The following NPAS3 variants were observed in gnomAD, a reference collection of about 807,000 sequenced individuals.
NPAS3 encodes the protein neuronal PAS domain protein 3, also known as neuronal PAS domain-containing protein 3.
In NPAS3, 14 loss-of-function variants were observed where a neutral mutation model predicts 73.1. That is an observed-to-expected ratio of 0.19 (90% CI 0.13 to 0.30). NPAS3 has a LOEUF of 0.30. NPAS3 is among the 10% of genes least tolerant of loss of function. The pLI is 1.00. For synonymous variants in NPAS3, 620 were observed against 541.5 expected, an observed-to-expected ratio of 1.14 and a Z score of -2.01; for missense variants, 1,096 against 1,250.0, an observed-to-expected ratio of 0.88 and a Z score of 1.86.
At chr14:33,776,454 CCTCATG>C (rs2062817947) in intron 8 of NPAS3, among the ~76,000 whole-genome samples, 1 of 136,896 alleles carries the variant, frequency 7.3e-6, no homozygotes, top group Non-Finnish European at 1.5e-5. Context: ...GACCCGAGTG[CCTCATG>C]GTGCCACTCT....
chr14:33,055,921 C>T (rs1271589822), exon 2 of NPAS3: 1 of 810,248 alleles, frequency 1.2e-6, no homozygotes, highest in African/African-American at 1.7e-5. Context: ...TGCCCAGCAT[C>T]CTCTGCCCAA....
At chr14:33,355,501 T>C (rs2045297688) in intron 3 of NPAS3, among the ~76,000 whole-genome samples, 1 of 152,328 alleles carries the variant, frequency 6.6e-6, no homozygotes, top group East Asian at 1.9e-4. Context: ...GGTTTCACCA[T>C]GTTGGCCAGG....
chr14:33,070,558 A>G (rs2041450433), intron 2 of NPAS3, among the ~76,000 whole-genome samples: 1 of 152,168 alleles, frequency 6.6e-6, no homozygotes, highest in Non-Finnish European at 1.5e-5. Flanking sequence ...ACAGGTAAAT[A>G]TTGAACAGGG....
At chr14:33,087,207 G>T (rs1039385807) in intron 2 of NPAS3, among the ~76,000 whole-genome samples, 9 of 108,558 alleles carry the variant, frequency 8.3e-5, no homozygotes, top group East Asian at 7.5e-4. Context: ...TAATAATATA[G>T]TATTATTATT....
chr14:33,473,082 C>T (rs910745922), intron 4 of NPAS3, among the ~76,000 whole-genome samples: 6 of 152,050 alleles, frequency 3.9e-5, no homozygotes, highest in Non-Finnish European at 5.9e-5. Flanking sequence ...ATAGTGATTT[C>T]GCAGAGTAAA....
At chr14:33,585,760 T>C (rs1188900447) in intron 5 of NPAS3, among the ~76,000 whole-genome samples, 1 of 152,208 alleles carries the variant, frequency 6.6e-6, no homozygotes. Flanking sequence ...AGAATCATGC[T>C]GGTGCCTAAT....
At chr14:33,679,460 G>A (rs1214294615) in intron 6 of NPAS3, among the ~76,000 whole-genome samples, 2 of 152,022 alleles carry the variant, frequency 1.3e-5, no homozygotes, top group Non-Finnish European at 1.5e-5. Flanking sequence ...ATTTTAACAA[G>A]ATTTCCTAAT....
intron 2 of NPAS3, among the ~76,000 whole-genome samples, chr14:33,209,238 G>A (rs1056350706): frequency 2.0e-5 from 3 of 151,908 alleles, no homozygotes; most frequent in East Asian, 3.9e-4. Flanking sequence ...TTATGTTACC[G>A]TTACCTTATA....
chr14:33,263,930 C>G (rs1425322275), intron 3 of NPAS3, among the ~76,000 whole-genome samples: 6 of 151,970 alleles, frequency 3.9e-5, no homozygotes, highest in Non-Finnish European at 7.4e-5. Flanking sequence ...GGGTATATAC[C>G]CAAAGGATTA....
At chr14:33,711,255 A>C (rs993202899) in intron 6 of NPAS3, among the ~76,000 whole-genome samples, 2 of 152,222 alleles carry the variant, frequency 1.3e-5, no homozygotes, top group African/African-American at 2.4e-5. Flanking sequence ...AGGGAAAAAA[A>C]TCTATTTTGA....
At chr14:33,538,568 G>A (rs1479760650) in intron 4 of NPAS3, among the ~76,000 whole-genome samples, 2 of 152,170 alleles carry the variant, frequency 1.3e-5, no homozygotes, top group Non-Finnish European at 2.9e-5. Flanking sequence ...AAAATCTGCT[G>A]TTGCAAAAAG....
intron 2 of NPAS3, among the ~76,000 whole-genome samples, chr14:33,111,668 T>C (rs1192113715): frequency 6.6e-6 from 1 of 152,062 alleles, no homozygotes; most frequent in Non-Finnish European, 1.5e-5. Context: ...TTTTTCTTTT[T>C]TTTTTTATTA....
chr14:33,751,762 A>T (rs2061970125), intron 7 of NPAS3, among the ~76,000 whole-genome samples: 1 of 152,158 alleles, frequency 6.6e-6, no homozygotes. Context: ...GACTATTCAG[A>T]ATTTCTACTA....
upstream of NPAS3, chr14:32,934,983 C>T (rs1316113619): frequency 4.3e-5 from 58 of 1,334,084 alleles, 2 homozygotes; most frequent in South Asian, 2.0e-4. The surrounding 1 kb of genome is among the most constrained non-coding windows in gnomAD (Gnocchi z 4.1). Context: ...ACGTCCAGGG[C>T]ATCACCTCCT....
chr14:33,803,469 AT>A (rs1318596052), downstream of NPAS3: 1 of 152,192 alleles, frequency 6.6e-6, no homozygotes, highest in African/African-American at 2.4e-5. Flanking sequence ...TACTTGAAGG[AT>A]TTAAGTAGGT....
At chr14:33,689,663 C>T (rs2060181173) in intron 6 of NPAS3, among the ~76,000 whole-genome samples, 1 of 152,134 alleles carries the variant, frequency 6.6e-6, no homozygotes, top group African/African-American at 2.4e-5. Flanking sequence ...TTCGTAGACT[C>T]CACTGAAGAG....
chr14:33,271,680 G>A (rs892669418), intron 3 of NPAS3, among the ~76,000 whole-genome samples: 1 of 152,056 alleles, frequency 6.6e-6, no homozygotes, highest in African/African-American at 2.4e-5. Context: ...TCCCTGGTTT[G>A]CTTGCTCTAC....
intron 4 of NPAS3, among the ~76,000 whole-genome samples, chr14:33,524,363 A>G (rs11845347): frequency 0.035 from 5,300 of 152,278 alleles, 318 homozygotes; most frequent in African/African-American, 0.12. Flanking sequence ...AGCACCTTCA[A>G]AAAGTCCCTC....
At chr14:33,240,094 T>C (rs533260356) in intron 3 of NPAS3, among the ~76,000 whole-genome samples, 3 of 152,074 alleles carry the variant, frequency 2.0e-5, no homozygotes, top group East Asian at 1.9e-4. Context: ...TAATTCTTTC[T>C]ATTATGTTGG....
Sources: gnomAD v4.1 joint callset for allele counts (sites outside exome capture counted in the v4.1 genomes callset) on GRCh38, gnomAD v4.1.1 for gene constraint, Gnocchi (gnomAD v3.1) non-coding constraint, MANE v1.5 for transcripts, NCBI Gene and HGNC (gene_info 2026-07-23, HGNC 2026-07-21) for gene names.